The following ALDH7A1 variants were observed in gnomAD, a reference collection of about 807,000 sequenced individuals.
The protein encoded by ALDH7A1 is alpha-aminoadipic semialdehyde dehydrogenase.
Under a neutral mutation model 79.9 loss-of-function variants are expected in ALDH7A1, and 63 were observed. The observed-to-expected ratio is 0.79, with a 90% CI of 0.64 to 0.97. ALDH7A1 has a LOEUF of 0.97. Ranked by LOEUF, ALDH7A1 falls within the 50% of genes least tolerant of loss-of-function variation. ALDH7A1 has a pLI of 0.00. For missense variants in ALDH7A1, 627 were observed against 665.2 expected (o/e 0.94, Z 0.63); for synonymous variants, 240 against 231.2 (o/e 1.04, Z -0.34).
intron 3 of ALDH7A1, among the ~76,000 whole-genome samples, chr5:126,585,780 C>T (rs2112807010): frequency 6.6e-6 from 1 of 152,222 alleles, no homozygotes; most frequent in East Asian, 1.9e-4. Flanking sequence ...TCAGGCTGGT[C>T]TCGAACTCCT....
intron 3 of ALDH7A1, chr5:126,592,327 G>A: frequency 3.5e-6 from 1 of 286,680 alleles, no homozygotes; most frequent in South Asian, 4.6e-5. Flanking sequence ...AATATTTCTG[G>A]CATAGATCTT....
intron 3 of ALDH7A1, chr5:126,588,003 G>A (rs1751411767): frequency 6.6e-6 from 1 of 152,140 alleles, no homozygotes; most frequent in African/African-American, 2.4e-5. Flanking sequence ...TCTATTTGTT[G>A]GGAGGTCTAA....
At chr5:126,584,128 G>T in intron 3 of ALDH7A1, 116 bp from the exon 4 acceptor site, 2 of 919,720 alleles carry the variant, frequency 2.2e-6, no homozygotes, top group South Asian at 2.8e-5. Flanking sequence ...GAAGACTTTT[G>T]ATCACATCAA....
At chr5:126,591,930 T>A in intron 3 of ALDH7A1, 1 of 149,692 alleles carries the variant, frequency 6.7e-6, no homozygotes, top group Non-Finnish European at 1.5e-5. Context: ...CACTGCTCTT[T>A]TTTTTTTTTT....
intron 7 of ALDH7A1, among the ~76,000 whole-genome samples, chr5:126,574,622 G>A (rs1034759982): frequency 1.3e-5 from 2 of 151,800 alleles, no homozygotes; most frequent in African/African-American, 2.4e-5. Flanking sequence ...GTGAACCCGG[G>A]AGGTGGAGCT....
chr5:126,591,697 G>C (rs2112814651), intron 3 of ALDH7A1, among the ~76,000 whole-genome samples: 1 of 152,220 alleles, frequency 6.6e-6, no homozygotes, highest in South Asian at 2.1e-4. Context: ...TGGAAAGGTT[G>C]GGAAATCAGG....
intron 10 of ALDH7A1, among the ~76,000 whole-genome samples, chr5:126,559,867 C>CT (rs1275652396): frequency 6.6e-6 from 1 of 152,034 alleles, no homozygotes; most frequent in African/African-American, 2.4e-5. Context: ...GCTCTATGAT[C>CT]TTTACCCAGA....
At chr5:126,549,549 T>C (rs892764765) in intron 16 of ALDH7A1, 1 of 206,464 alleles carries the variant, frequency 4.8e-6, no homozygotes, top group African/African-American at 2.3e-5. Flanking sequence ...AAAAAGAGTA[T>C]GTTTAACATT....
At position 126,583,912 on chromosome 5, in the gene ALDH7A1, A is replaced by G. The variant is rs756597798; in HGVS notation, c.393+20T>C. ...ATTGTCCACTCAAAGAATTGTGTATATACTACAAAAATACTTTACCAAGCT... is the reference window on the plus strand; with the variant it reads ...ATTGTCCACTCAAAGAATTGTGTATGTACTACAAAAATACTTTACCAAGCT... On this transcript the variant is annotated intron_variant, in intron 4 of 17. Transcript: ENST00000409134. 4 of 1,591,198 alleles carry G rather than the reference A, an allele frequency of 2.5e-6. No homozygotes were observed. The highest frequency in any genetic ancestry group is 4.5e-5 in the East Asian group (2 of 44,746).
intron 7 of ALDH7A1, chr5:126,571,061 T>C (rs1750752922): frequency 1.8e-6 from 1 of 561,462 alleles, no homozygotes; most frequent in Non-Finnish European, 3.2e-6. Flanking sequence ...AACCCTCTTA[T>C]ACCAGACTCT....
In ALDH7A1 at chr5:126,595,195, A is replaced by G; in HGVS notation, c.4T>C (p.Trp2Arg). ...ACACACAGCGCGCGAGGAAGGCGCC[A>G]CATACTGAGCCCGGGACTCGGGATG... M[W>R]RLPRALCVHA... Residue 2 changes from tryptophan to arginine, a missense_variant, in exon 1 of 18, where the codon TGG becomes CGG. Physicochemically the swap from Trp to Arg is moderately radical, Grantham distance 101. Coordinates refer to ENST00000409134, the MANE Select transcript of ALDH7A1 (RefSeq NM_001182.5). The G allele has an allele frequency of 6.4e-7, 1 of 1,551,934 alleles. No individual in the cohort carries two copies. Among genetic ancestry groups the G allele is most frequent in the Non-Finnish European group, 8.7e-7 (1 of 1,147,098 alleles).
rs10630162 is a variant in ALDH7A1 at position 126,546,651 on chromosome 5, T to TAAA, written c.1490-255_1490-253dup. ...AAGAAATGGAAACAGAAAGAAACGG[T>TAAA]AAAAAAAAAAAAAAATCCCATTAGC... is the stretch of plus-strand genomic sequence containing the variant. On this transcript the variant is annotated intron_variant, in intron 16 of 17. Coordinates refer to ENST00000409134, the MANE Select transcript of ALDH7A1 (RefSeq NM_001182.5). 3.8e-3 allele frequency among the ~76,000 whole-genome samples: 538 copies of TAAA among 142,694 alleles called. 5 individuals carry two copies. Among genetic ancestry groups the TAAA allele is most frequent in the African/African-American group, 0.01 (400 of 39,012 alleles). The allele number at this position is 142,694 out of a possible 152,430, so 93.6% of individuals were successfully genotyped here. A position where few individuals can be genotyped will look rare whatever the true frequency, so the allele number is the denominator to read the frequency against.
At chr5:126,580,642 A>G (rs544615317) in intron 5 of ALDH7A1, among the ~76,000 whole-genome samples, 1 of 152,302 alleles carries the variant, frequency 6.6e-6, no homozygotes, top group Non-Finnish European at 1.5e-5. Flanking sequence ...AATAACCATC[A>G]TGGAAATTTA....
At chr5:126,569,269 C>T (rs1339083880) in intron 8 of ALDH7A1, 4 of 152,240 alleles carry the variant, frequency 2.6e-5, no homozygotes, top group East Asian at 1.9e-4. Context: ...ATCCCCCTGC[C>T]GTGGTCCATG....
intron 9 of ALDH7A1, among the ~76,000 whole-genome samples, chr5:126,562,721 GC>G (rs1239896146): frequency 6.6e-6 from 1 of 152,112 alleles, no homozygotes; most frequent in East Asian, 1.9e-4. Flanking sequence ...GGTGGCGGAT[GC>G]CTGTAATCCC....
chr5:126,549,861 T>C, intron 16 of ALDH7A1, 68 bp downstream of exon 16: 1 of 1,435,438 alleles, frequency 7.0e-7, no homozygotes, highest in East Asian at 2.3e-5. Context: ...GGTCAGCCTT[T>C]TCTAAAAGCT....
intron 9 of ALDH7A1, chr5:126,561,804 CAA>C (rs1291937122): frequency 1.3e-4 from 20 of 152,018 alleles, no homozygotes; most frequent in Non-Finnish European, 2.8e-4. Flanking sequence ...AGAGCCTGGG[CAA>C]CATGGCAAGA....
At chr5:126,559,362 G>A (rs1256786225) in intron 10 of ALDH7A1, 28 bp from the exon 11 acceptor site, 1 of 1,559,220 alleles carries the variant, frequency 6.4e-7, no homozygotes, top group Non-Finnish European at 8.8e-7. Context: ...ACTTCCATCA[G>A]CGAACCAAAA....
At chr5:126,556,065 T>A in intron 11 of ALDH7A1, 50 bp from the exon 12 acceptor site, 1 of 1,272,608 alleles carries the variant, frequency 7.9e-7, no homozygotes, top group Admixed American at 1.7e-5. Context: ...TGCACACATT[T>A]TTAAACAATG....
Sources: allele counts gnomAD v4.1 joint callset (sites outside exome capture counted in the v4.1 genomes callset), GRCh38; gene constraint gnomAD v4.1.1; transcripts MANE v1.5; gene names NCBI Gene and HGNC (gene_info 2026-07-23, HGNC 2026-07-21).